The following UBAP2 variants were observed in gnomAD, a reference collection of about 807,000 sequenced individuals.
UBAP2 encodes the protein ubiquitin associated protein 2.
UBAP2 carries 75 observed loss-of-function variants against 139.6 expected under a neutral mutation model. The ratio of observed to expected loss-of-function variants is 0.54; its 90% CI spans 0.45 to 0.65. The LOEUF is 0.65. Ranked by LOEUF, UBAP2 falls within the 30% of genes least tolerant of loss-of-function variation. UBAP2 has a pLI of 0.00. For synonymous variants in UBAP2, 526 were observed against 526.2 expected, an observed-to-expected ratio of 1.00 and a Z score of 0.01; for missense variants, 1,368 against 1,369.6, an observed-to-expected ratio of 1.00 and a Z score of 0.02.
chr9:34,037,254 C>A (rs1346790514), intron 1 of UBAP2, among the ~76,000 whole-genome samples: 1 of 152,172 alleles, frequency 6.6e-6, no homozygotes, highest in Non-Finnish European at 1.5e-5. Context: ...CCCCAAAGTG[C>A]TGGGATTACA....
chr9:34,001,781 A>G (rs765147278), intron 2 of UBAP2, among the ~76,000 whole-genome samples: 3 of 152,096 alleles, frequency 2.0e-5, no homozygotes, highest in Non-Finnish European at 4.4e-5. Context: ...TAAAAAATGT[A>G]CCATACCAGC....
At chr9:33,922,911 G>A in intron 27 of UBAP2, 33 bp from the exon 28 acceptor site, 2 of 1,613,412 alleles carry the variant, frequency 1.2e-6, no homozygotes. Flanking sequence ...GTGAAGGTCA[G>A]GTTGGGCTGT....
chr9:34,009,805 C>A (rs1402089155), intron 2 of UBAP2, among the ~76,000 whole-genome samples: 3 of 147,548 alleles, frequency 2.0e-5, no homozygotes, highest in Non-Finnish European at 4.5e-5. Flanking sequence ...ACTTATATTT[C>A]CTTTTTTTTT....
intron 6 of UBAP2, among the ~76,000 whole-genome samples, chr9:33,979,296 A>C (rs1296712118): frequency 2.6e-5 from 4 of 152,236 alleles, no homozygotes; most frequent in Non-Finnish European, 4.4e-5. Context: ...AAAGACCAAA[A>C]TAATACATAT....
chr9:33,979,112 G>A (rs998007793), intron 6 of UBAP2, among the ~76,000 whole-genome samples: 4 of 152,096 alleles, frequency 2.6e-5, no homozygotes, highest in African/African-American at 7.2e-5. Context: ...ATGTGCACCT[G>A]CAGTCCTATC....
At position 33,981,165 on chromosome 9, in the gene UBAP2, TATATATATATATATTCTGG is replaced by T. The variant is rs2131105884; in HGVS notation, c.520+5576_520+5594del. Among the ~76,000 whole-genome samples the T allele has an allele frequency of 1.5e-4, 3 of 19,526 alleles. 1 individual carries two copies. The highest frequency in any genetic ancestry group is 4.2e-4 in the African/African-American group (3 of 7,166). The allele number at this position is 19,526 out of a possible 152,430, so 12.8% of individuals were successfully genotyped here. On this transcript the variant is annotated intron_variant, in intron 6 of 28. Coordinates refer to ENST00000379238, the MANE Select transcript of UBAP2 (RefSeq NM_001370062.2). ...TGGATATATATATATATATTCTGGA[TATATATATATATATTCTGG>T]ATATATATATATATATTCTGGATAT...
chr9:33,967,835 C>T (rs1412732612), intron 8 of UBAP2, among the ~76,000 whole-genome samples: 1 of 152,154 alleles, frequency 6.6e-6, no homozygotes, highest in Non-Finnish European at 1.5e-5. Flanking sequence ...GAAAATGTCA[C>T]TCAACATCAT....
intron 1 of UBAP2, among the ~76,000 whole-genome samples, chr9:34,027,673 C>T (rs570514925): frequency 5.3e-5 from 8 of 149,710 alleles, no homozygotes; most frequent in East Asian, 4.0e-4. Flanking sequence ...CTGGCTAACA[C>T]GGCGAAACCC....
chr9:33,926,557 GA>G, intron 22 of UBAP2, 59 bp downstream of exon 22: 1 of 1,588,926 alleles, frequency 6.3e-7, no homozygotes, highest in Non-Finnish European at 8.6e-7. Flanking sequence ...AAGACCATAA[GA>G]GGGGGGACAT....
intron 7 of UBAP2, among the ~76,000 whole-genome samples, chr9:33,972,354 C>T (rs1263448009): frequency 1.3e-5 from 2 of 152,148 alleles, no homozygotes; most frequent in Admixed American, 6.5e-5. Flanking sequence ...ATCCACAAAA[C>T]AATTTAAAGC....
At chr9:33,936,014 A>T in intron 16 of UBAP2, 136 bp from the exon 17 acceptor site, 1 of 1,016,140 alleles carries the variant, frequency 9.8e-7, no homozygotes, top group South Asian at 1.6e-5. Flanking sequence ...AATAAAGGGA[A>T]GATAAACAAC....
intron 2 of UBAP2, among the ~76,000 whole-genome samples, chr9:34,014,465 C>T (rs1233772403): frequency 6.6e-6 from 1 of 151,278 alleles, no homozygotes; most frequent in Non-Finnish European, 1.5e-5. Flanking sequence ...CCTGTCTCTA[C>T]TAAAAATACA....
chr9:34,018,195 T>C (rs1824555874), intron 1 of UBAP2, among the ~76,000 whole-genome samples: 1 of 149,644 alleles, frequency 6.7e-6, no homozygotes, highest in Non-Finnish European at 1.5e-5. Context: ...ACCATAAGAT[T>C]CCTACTTCCT....
chr9:33,995,343 T>G (rs886488513), intron 4 of UBAP2: 1 of 9,438 alleles, frequency 1.1e-4, no homozygotes, highest in African/African-American at 1.5e-4. Context: ...GGTGGCAGAG[T>G]GAGGCTGTCT....
chr9:33,981,461 T>A (rs545822402), intron 6 of UBAP2, among the ~76,000 whole-genome samples: 7 of 150,632 alleles, frequency 4.6e-5, no homozygotes, highest in African/African-American at 1.7e-4. Flanking sequence ...ACTCAAGCCA[T>A]CCTACCACCT....
chr9:34,010,793 ACTTGTGG>A (rs1823695528), intron 2 of UBAP2, among the ~76,000 whole-genome samples: 3 of 152,158 alleles, frequency 2.0e-5, no homozygotes, highest in Admixed American at 1.3e-4. Context: ...ATTATGGATT[ACTTGTGG>A]CTATCCACTC....
intron 2 of UBAP2, among the ~76,000 whole-genome samples, chr9:34,009,840 T>C (rs1159780103): frequency 1.4e-5 from 2 of 145,498 alleles, no homozygotes; most frequent in Admixed American, 7.1e-5. Flanking sequence ...AGAGTTTCGC[T>C]CTTGTTGTGC....
At chr9:34,038,143 G>GAAAAA (rs78650365) in intron 1 of UBAP2, among the ~76,000 whole-genome samples, 2 of 127,248 alleles carry the variant, frequency 1.6e-5, no homozygotes, top group Non-Finnish European at 1.6e-5. Context: ...TCCAGCCTGG[G>GAAAAA]AAAAAAAAAA....
At position 33,981,566 on chromosome 9, in the gene UBAP2, C is replaced by T. The variant is rs1217717442; in HGVS notation, c.520+5194G>A. ...AAAAAAGCCTGCTACATTGTCCACT[C>T]TGATCTTGAACTCCTGAGCTCAAGT... On this transcript the variant is annotated intron_variant, in intron 6 of 28. Coordinates refer to ENST00000379238, the MANE Select transcript of UBAP2 (RefSeq NM_001370062.2). 2.0e-5 allele frequency among the ~76,000 whole-genome samples: 3 copies of T among 151,026 alleles called. No individual in the cohort carries two copies. The East Asian group carries it at 5.9e-4, about 30-fold the overall frequency.
Sources: allele counts gnomAD v4.1 joint callset (sites outside exome capture counted in the v4.1 genomes callset), GRCh38; gene constraint gnomAD v4.1.1; transcripts MANE v1.5; gene names NCBI Gene and HGNC (gene_info 2026-07-23, HGNC 2026-07-21).